The following PDPN variants were observed in gnomAD, a reference collection of about 807,000 sequenced individuals.
The protein encoded by PDPN is PA2.26 antigen.
In PDPN, 12 loss-of-function variants were observed where a neutral mutation model predicts 23.2. The ratio of observed to expected loss-of-function variants is 0.52; its 90% confidence interval spans 0.33 to 0.84. The LOEUF is 0.84. Ranked by LOEUF, PDPN falls within the 40% of genes least tolerant of loss-of-function variation. The pLI is 0.02. For synonymous variants in PDPN, 77 were observed against 76.7 expected (o/e 1.00, Z -0.02); for missense variants, 199 against 212.2 (o/e 0.94, Z 0.39).
intron 1 of PDPN, among the ~76,000 whole-genome samples, chr1:13,590,402 G>A (rs1289206840): frequency 6.6e-6 from 1 of 152,202 alleles, no homozygotes; most frequent in Admixed American, 6.5e-5. Context: ...GTCCTGCGCG[G>A]CACATGCTAT....
chr1:13,590,352 A>G (rs1449307102), intron 1 of PDPN, among the ~76,000 whole-genome samples: 1 of 152,240 alleles, frequency 6.6e-6, no homozygotes, highest in Non-Finnish European at 1.5e-5. Context: ...CGTGTTTTCT[A>G]CACATGTAGA....
At chr1:13,585,908 T>A (rs1036080120) in intron 1 of PDPN, among the ~76,000 whole-genome samples, 1 of 152,200 alleles carries the variant, frequency 6.6e-6, no homozygotes, top group Non-Finnish European at 1.5e-5. Flanking sequence ...ATGAATTTTA[T>A]GATCCTTTTC....
At chr1:13,601,343 C>G (rs115648544) in intron 1 of PDPN, among the ~76,000 whole-genome samples, 3 of 152,158 alleles carry the variant, frequency 2.0e-5, no homozygotes, top group Admixed American at 2.0e-4. Flanking sequence ...CTAAGTTTCT[C>G]CTGTAACTGT....
chr1:13,599,011 C>CTTTTT (rs35244657), intron 1 of PDPN, among the ~76,000 whole-genome samples: 10 of 127,076 alleles, frequency 7.9e-5, no homozygotes, highest in East Asian at 2.3e-4. Flanking sequence ...GCCCCCCCTC[C>CTTTTT]TTTTTTTTTT....
At chr1:13,606,015 T>C (rs1640780079) in intron 1 of PDPN, among the ~76,000 whole-genome samples, 1 of 151,924 alleles carries the variant, frequency 6.6e-6, no homozygotes, top group Admixed American at 6.6e-5. Context: ...GGCTCTTTTT[T>C]TTTTGGAGAT....
chr1:13,584,946 T>C (rs1330744827), intron 1 of PDPN, among the ~76,000 whole-genome samples: 3 of 152,222 alleles, frequency 2.0e-5, no homozygotes, highest in Non-Finnish European at 4.4e-5. Flanking sequence ...TGGTCTCCAT[T>C]GACATCTGTC....
At chr1:13,609,742 C>G (rs917447427) in intron 2 of PDPN, among the ~76,000 whole-genome samples, 16 of 152,180 alleles carry the variant, frequency 1.1e-4, no homozygotes, top group African/African-American at 3.1e-4. Context: ...TTCATCCATG[C>G]TATGGCATGT....
chr1:13,615,282 CTTTCTT>C (rs1302469245), intron 5 of PDPN, among the ~76,000 whole-genome samples: 9 of 134,880 alleles, frequency 6.7e-5, no homozygotes, highest in East Asian at 6.5e-4. Flanking sequence ...TTTTCTTTCT[CTTTCTT>C]TTTCTTTTTC....
intron 3 of PDPN, among the ~76,000 whole-genome samples, chr1:13,610,964 A>G (rs2487646): frequency 0.96 from 146,486 of 152,370 alleles, 70,534 homozygotes; most frequent in East Asian, 1. Flanking sequence ...GCTCACGCCT[A>G]TAATCCGAGC....
chr1:13,598,126 G>A (rs955658895), intron 1 of PDPN, among the ~76,000 whole-genome samples: 12 of 151,656 alleles, frequency 7.9e-5, no homozygotes, highest in Admixed American at 7.9e-4. Context: ...AGCGATTCTC[G>A]TGTCTCAGCC....
intron 1 of PDPN, among the ~76,000 whole-genome samples, chr1:13,601,300 G>T (rs1262573848): frequency 6.6e-6 from 1 of 152,188 alleles, no homozygotes; most frequent in Non-Finnish European, 1.5e-5. Flanking sequence ...GGGATAGTTG[G>T]CAGTGTCCAG....
chr1:13,610,567 G>T, intron 3 of PDPN, 51 bp downstream of exon 3: 1 of 1,583,712 alleles, frequency 6.3e-7, no homozygotes, highest in South Asian at 1.1e-5. Flanking sequence ...TGCATAATTG[G>T]TGCATTCCAA....
At position 13,617,085 on chromosome 1, in the gene PDPN, A is replaced by C. The variant is rs1315536827; in HGVS notation, c.*1174A>C. 1 of 152,164 alleles carries C rather than the reference A, an allele frequency of 6.6e-6. No individual in the cohort carries two copies. The highest frequency in any genetic ancestry group is 1.5e-5 in the Non-Finnish European group (1 of 68,036). The allele number at this position is 152,164 out of a possible 1,614,324, so 9.4% of individuals were successfully genotyped here. ...GTGGGGTCCTGTTGAAAAGAACAAA[A>C]TAAAGGAGCCCAAGGGGTCATTCTG... On this transcript the variant is annotated 3_prime_UTR_variant, in exon 6 of 6. Transcript: ENST00000621990.
At chr1:13,611,237 CAAAA>C (rs1640927551) in intron 3 of PDPN, among the ~76,000 whole-genome samples, 2 of 127,796 alleles carry the variant, frequency 1.6e-5, no homozygotes, top group Non-Finnish European at 3.4e-5. Context: ...AAAAACAAAA[CAAAA>C]AAACAAACAA....
At chr1:13,599,631 ACCTT>A (rs1640592560) in intron 1 of PDPN, among the ~76,000 whole-genome samples, 3 of 151,684 alleles carry the variant, frequency 2.0e-5, no homozygotes, top group Admixed American at 2.0e-4. Context: ...TGATCCGTCT[ACCTT>A]GGCCTCCCAA....
rs147449354 is a variant in PDPN at position 13,612,578 on chromosome 1, G to A, written c.332-1109G>A. Among the ~76,000 whole-genome samples, 371 of 152,240 alleles carry A rather than the reference G, an allele frequency of 2.4e-3. 2 individuals are homozygous for A. Among genetic ancestry groups the A allele is most frequent in the African/African-American group, 8.3e-3 (343 of 41,514 alleles). On this transcript the variant is annotated intron_variant, in intron 3 of 5. Coordinates refer to ENST00000621990, the MANE Select transcript of PDPN (RefSeq NM_006474.5). ...GTTCTGGGAAAGCTCAAATCCAGCC[G>A]TGTCCTATATGGTGGGGTAGCACAG... is the stretch of plus-strand genomic sequence containing the variant.
intron 1 of PDPN, among the ~76,000 whole-genome samples, chr1:13,601,771 C>G (rs971368352): frequency 6.6e-6 from 1 of 152,162 alleles, no homozygotes; most frequent in African/African-American, 2.4e-5. Flanking sequence ...AATTATATTT[C>G]TCTTTTATTA....
intron 1 of PDPN, among the ~76,000 whole-genome samples, chr1:13,593,573 A>C (rs1640411432): frequency 6.6e-6 from 1 of 152,212 alleles, no homozygotes; most frequent in African/African-American, 2.4e-5. Context: ...GGAAACGGCC[A>C]CATTCTGCAC....
intron 1 of PDPN, among the ~76,000 whole-genome samples, chr1:13,586,530 T>G (rs1207562286): frequency 2.0e-5 from 3 of 152,132 alleles, no homozygotes; most frequent in Non-Finnish European, 4.4e-5. Flanking sequence ...CTCTACACTG[T>G]AGAATTATAA....
Sources: allele counts gnomAD v4.1 joint callset (sites outside exome capture counted in the v4.1 genomes callset), GRCh38; gene constraint gnomAD v4.1.1; transcripts MANE v1.5; gene names NCBI Gene and HGNC (gene_info 2026-07-23, HGNC 2026-07-21).